Variants in DISC1 observed in about 807,000 individuals in gnomAD.
DISC1 encodes disrupted in schizophrenia 1 protein.
A neutral mutation model predicts 84.5 loss-of-function variants in DISC1; 57 were observed. The observed-to-expected ratio is 0.67, with a 90% confidence interval of 0.55 to 0.84. The LOEUF (loss-of-function observed/expected upper bound fraction) is 0.84, where lower values mean the gene tolerates loss of function less well. Among genes scored for constraint, DISC1 ranks in the 40% least tolerant of loss-of-function variants. The probability of loss-of-function intolerance (pLI) is 0.00; values close to 1 mark genes in which losing one functional copy is unlikely to be tolerated. For missense variants in DISC1, 1,000 were observed against 1,057.8 expected, an observed-to-expected ratio of 0.95 and a Z score of 0.76; for synonymous variants, 411 against 415.2, an observed-to-expected ratio of 0.99 and a Z score of 0.12.
chr1:231,829,119 A>AT (rs990439749), intron 9 of DISC1, among the ~76,000 whole-genome samples: 6 of 152,078 alleles, frequency 3.9e-5, no homozygotes, highest in Admixed American at 2.6e-4. Context: ...TATTTCATGA[A>AT]TTTTTTCTGA....
At chr1:231,632,265 A>G (rs1443534456) in intron 1 of DISC1, among the ~76,000 whole-genome samples, 1 of 152,232 alleles carries the variant, frequency 6.6e-6, no homozygotes, top group Non-Finnish European at 1.5e-5. Context: ...TAAGTGATGC[A>G]TGACTGTGAT....
chr1:231,870,704 A>T (rs2085395380), intron 9 of DISC1, among the ~76,000 whole-genome samples: 1 of 152,220 alleles, frequency 6.6e-6, no homozygotes, highest in South Asian at 2.1e-4. Context: ...CGAGAATGAT[A>T]GACATATCTT....
chr1:231,818,632 C>T (rs946820918), intron 9 of DISC1, 115 bp downstream of exon 9: 1 of 1,495,614 alleles, frequency 6.7e-7, no homozygotes, highest in Non-Finnish European at 8.9e-7. Flanking sequence ...CGTCATGGAG[C>T]ACATGGCCCT....
In DISC1 at chr1:231,694,271, C is replaced by A; in HGVS notation, c.513C>A (p.Val171=). Residue 171 remains valine (V), a synonymous_variant, in exon 2 of 13, where the codon GTC becomes GTA. Coordinates refer to ENST00000439617, the MANE Select transcript of DISC1 (RefSeq NM_018662.3). ...CCTGCAGCGATGGAGCAAGGCGTGTCCGGGCAGCAGGCTCTCTGCCATCAG... is the reference window on the plus strand; with the variant it reads ...CCTGCAGCGATGGAGCAAGGCGTGTACGGGCAGCAGGCTCTCTGCCATCAG... ...EAACSDGARR[V]RAAGSLPSAE... is the part of the protein sequence containing the mutation. 1 of 1,614,266 alleles carries A rather than the reference C, an allele frequency of 6.2e-7. No individual in the cohort carries two copies. The highest frequency in any genetic ancestry group is 8.5e-7 in the Non-Finnish European group (1 of 1,180,052).
intron 3 of DISC1, among the ~76,000 whole-genome samples, chr1:231,746,051 A>G (rs1404054457): frequency 6.6e-6 from 1 of 152,230 alleles, no homozygotes; most frequent in East Asian, 1.9e-4. Flanking sequence ...CTGGAAGCAG[A>G]TGCCGGCACT....
At chr1:231,774,563 A>G (rs1243752742) in intron 6 of DISC1, 4 of 379,908 alleles carry the variant, frequency 1.1e-5, no homozygotes, top group Non-Finnish European at 2.1e-5. Context: ...GCAGGGAGGT[A>G]TCGCCGCATC....
chr1:231,636,591 T>A lies in DISC1; in HGVS notation c.67+9657T>A, dbSNP rs117148291. ...TTATCTAAGTGCATTTATTCAAATATTTATTGTGTTTTTGAAACTTTTTTT... is the reference window on the plus strand; with the variant it reads ...TTATCTAAGTGCATTTATTCAAATAATTATTGTGTTTTTGAAACTTTTTTT... On this transcript the variant is annotated intron_variant, in intron 1 of 12. Coordinates refer to ENST00000439617, the MANE Select transcript of DISC1 (RefSeq NM_018662.3). Among the ~76,000 whole-genome samples the A allele has an allele frequency of 5.5e-4, 84 of 152,320 alleles. No individual in the cohort carries two copies. In the East Asian group the frequency reaches 0.015, roughly 28 times the overall value.
intron 4 of DISC1, among the ~76,000 whole-genome samples, chr1:231,750,836 T>C (rs1467382378): frequency 6.6e-6 from 1 of 152,256 alleles, no homozygotes; most frequent in Non-Finnish European, 1.5e-5. Context: ...AATTCAGGTC[T>C]GGTTCTACTT....
At chr1:231,690,345 T>G (rs2064845620) in intron 1 of DISC1, among the ~76,000 whole-genome samples, 1 of 152,156 alleles carries the variant, frequency 6.6e-6, no homozygotes, top group African/African-American at 2.4e-5. Flanking sequence ...CCCTGCTCAG[T>G]CGTTCGTTCC....
intron 9 of DISC1, among the ~76,000 whole-genome samples, chr1:231,951,710 C>G (rs1399490967): frequency 6.6e-6 from 1 of 152,114 alleles, no homozygotes; most frequent in African/African-American, 2.4e-5. Context: ...CCACGGGCAG[C>G]GTGATATTCA....
intron 10 of DISC1, among the ~76,000 whole-genome samples, chr1:231,991,209 G>A (rs1665157081): frequency 6.6e-6 from 1 of 152,218 alleles, no homozygotes; most frequent in African/African-American, 2.4e-5. Flanking sequence ...GAGCTTGTTA[G>A]CAGATCTATT....
At position 232,031,303 on chromosome 1, in the gene DISC1, GGAGA is replaced by G. The variant is rs1224830860; in HGVS notation, c.2425+4755_2425+4758del. 3.1e-5 allele frequency among the ~76,000 whole-genome samples: 3 copies of G among 97,124 alleles called. No homozygotes were observed. Among genetic ancestry groups the G allele is most frequent in the Non-Finnish European group, 4.7e-5 (2 of 42,550 alleles). 63.7% of individuals were successfully genotyped at this position (97,124 alleles called of 152,430 possible). A position where few individuals can be genotyped will look rare whatever the true frequency, so the allele number is the denominator to read the frequency against. On this transcript the variant is annotated intron_variant, in intron 12 of 12. Coordinates refer to ENST00000439617, the MANE Select transcript of DISC1 (RefSeq NM_018662.3). The surrounding 1 kb of genome is among the most constrained non-coding windows in gnomAD (Gnocchi z 4.6). ...AAGAAAGAAAAGAGGAAGGAAGGAAGGAGAGAGGGAAGGAGAGAAAAGGAAAGGA... is the reference window on the plus strand; with the variant it reads ...AAGAAAGAAAAGAGGAAGGAAGGAAGGAGGGAAGGAGAGAAAAGGAAAGGA...
At chr1:231,841,246 C>A (rs540713704) in intron 9 of DISC1, among the ~76,000 whole-genome samples, 1 of 152,298 alleles carries the variant, frequency 6.6e-6, no homozygotes, top group East Asian at 1.9e-4. Flanking sequence ...GGATACTCAA[C>A]CTGGATCTCT....
chr1:231,915,050 A>G (rs1249424355), intron 9 of DISC1, among the ~76,000 whole-genome samples: 1 of 152,198 alleles, frequency 6.6e-6, no homozygotes, highest in Non-Finnish European at 1.5e-5. Context: ...CCTAAAGAGG[A>G]AATGTGTTAC....
intron 9 of DISC1, among the ~76,000 whole-genome samples, chr1:231,833,265 T>C (rs1285527831): frequency 6.6e-6 from 1 of 151,072 alleles, no homozygotes; most frequent in African/African-American, 2.5e-5. Context: ...TTGGGGAGTT[T>C]TAAGAGGTTT....
At chr1:231,723,025 T>G in intron 3 of DISC1, 1 of 1,101,680 alleles carries the variant, frequency 9.1e-7, no homozygotes, top group Non-Finnish European at 1.1e-6. Flanking sequence ...GGAATCATTT[T>G]CCCCTTGGTG....
chr1:231,668,501 T>C (rs2062239602), intron 1 of DISC1, among the ~76,000 whole-genome samples: 1 of 152,182 alleles, frequency 6.6e-6, no homozygotes, highest in Non-Finnish European at 1.5e-5. Flanking sequence ...CAAGAGATGA[T>C]TTTCAGAGTC....
intron 9 of DISC1, among the ~76,000 whole-genome samples, chr1:231,860,349 A>G (rs953409098): frequency 6.6e-6 from 1 of 152,014 alleles, no homozygotes; most frequent in Non-Finnish European, 1.5e-5. Context: ...TTTTTTTTGA[A>G]TATTTGCTTA....
chr1:231,727,175 C>T (rs1558433726), intron 3 of DISC1, among the ~76,000 whole-genome samples: 1 of 152,090 alleles, frequency 6.6e-6, no homozygotes, highest in South Asian at 2.1e-4. Flanking sequence ...TATCATCTCT[C>T]GTGTTATAGC....
Sources: gnomAD v4.1 joint callset for allele counts (sites outside exome capture counted in the v4.1 genomes callset) on GRCh38, gnomAD v4.1.1 for gene constraint, Gnocchi (gnomAD v3.1) non-coding constraint, MANE v1.5 for transcripts, NCBI Gene and HGNC (gene_info 2026-07-23, HGNC 2026-07-21) for gene names.